Variants in GALNTL6 observed in about 807,000 individuals in gnomAD.
The protein encoded by GALNTL6 is polypeptide N-acetylgalactosaminyltransferase like 6.
GALNTL6 carries 46 observed loss-of-function variants against 73.7 expected under a neutral mutation model. The observed-to-expected ratio is 0.62, with a 90% CI of 0.49 to 0.80. The LOEUF is 0.80. GALNTL6 is among the 30% of genes least tolerant of loss of function. The probability of loss-of-function intolerance (pLI) is 0.00; values close to 1 mark genes in which losing one functional copy is unlikely to be tolerated. For missense variants in GALNTL6, 604 were observed against 755.0 expected, an observed-to-expected ratio of 0.80 and a Z score of 2.34; for synonymous variants, 259 against 263.7, an observed-to-expected ratio of 0.98 and a Z score of 0.17.
intron 5 of GALNTL6, among the ~76,000 whole-genome samples, chr4:172,554,698 A>G (rs1335152322): frequency 6.6e-6 from 1 of 152,148 alleles, no homozygotes; most frequent in African/African-American, 2.4e-5. Flanking sequence ...TCTTTTCCTC[A>G]ACATTGTGGT....
At chr4:172,632,904 G>A (rs1259362386) in intron 5 of GALNTL6, among the ~76,000 whole-genome samples, 3 of 152,228 alleles carry the variant, frequency 2.0e-5, no homozygotes, top group African/African-American at 7.2e-5. Flanking sequence ...TACAGCTCAG[G>A]CCATTGCTTC....
chr4:171,957,276 A>G (rs1256247419), intron 2 of GALNTL6, among the ~76,000 whole-genome samples: 2 of 152,222 alleles, frequency 1.3e-5, no homozygotes, highest in Non-Finnish European at 2.9e-5. Context: ...ATAGCAAAAT[A>G]TGCTGCTGCT....
intron 9 of GALNTL6, among the ~76,000 whole-genome samples, chr4:172,949,011 C>T (rs1317844526): frequency 6.6e-6 from 1 of 152,158 alleles, no homozygotes; most frequent in African/African-American, 2.4e-5. Context: ...TAGTTAGTTC[C>T]TCTATGAGTT....
chr4:172,705,172 C>T (rs112744457), intron 5 of GALNTL6, among the ~76,000 whole-genome samples: 110 of 151,432 alleles, frequency 7.3e-4, no homozygotes, highest in African/African-American at 2.6e-3. Context: ...ACTCCATTTA[C>T]ACTCACTCTT....
intron 2 of GALNTL6, among the ~76,000 whole-genome samples, chr4:171,944,239 T>G (rs764040572): frequency 5.3e-5 from 8 of 152,080 alleles, no homozygotes; most frequent in Non-Finnish European, 1.0e-4. Flanking sequence ...TAATACCTTA[T>G]TAATTGTAGC....
intron 5 of GALNTL6, among the ~76,000 whole-genome samples, chr4:172,587,403 G>A (rs1374202836): frequency 6.6e-6 from 1 of 152,100 alleles, no homozygotes; most frequent in Non-Finnish European, 1.5e-5. Context: ...TTGCAGTGTT[G>A]CTGGAGGGAT....
At chr4:171,873,564 T>G (rs1736193563) in intron 2 of GALNTL6, among the ~76,000 whole-genome samples, 1 of 152,192 alleles carries the variant, frequency 6.6e-6, no homozygotes, top group African/African-American at 2.4e-5. Flanking sequence ...CCTTTTCTTG[T>G]GTTGCCTCCT....
intron 11 of GALNTL6, among the ~76,000 whole-genome samples, chr4:173,013,734 T>C (rs1752658420): frequency 6.6e-6 from 1 of 152,148 alleles, no homozygotes; most frequent in Non-Finnish European, 1.5e-5. Flanking sequence ...ATCCTAAAAA[T>C]GAAGCTACAG....
chr4:172,669,489 TGAA>T (rs1367157025), intron 5 of GALNTL6, among the ~76,000 whole-genome samples: 5 of 152,126 alleles, frequency 3.3e-5, no homozygotes, highest in Admixed American at 3.3e-4. Flanking sequence ...ATATAATAGT[TGAA>T]GAAAAAATTT....
chr4:172,156,540 A>AGTATATATATATAT (rs58197299), intron 2 of GALNTL6, among the ~76,000 whole-genome samples: 57 of 125,092 alleles, frequency 4.6e-4, no homozygotes, highest in African/African-American at 1.9e-3. Flanking sequence ...ATATATATAT[A>AGTATATATATATAT]ATATATATAT....
intron 12 of GALNTL6, among the ~76,000 whole-genome samples, chr4:173,026,334 G>T (rs1158966021): frequency 6.6e-6 from 1 of 152,134 alleles, no homozygotes; most frequent in Admixed American, 6.5e-5. Context: ...ACACATCAGG[G>T]AGTCAATTTT....
At chr4:172,881,631 G>T (rs1042704778) in intron 7 of GALNTL6, among the ~76,000 whole-genome samples, 7 of 152,130 alleles carry the variant, frequency 4.6e-5, no homozygotes, top group African/African-American at 1.4e-4. Flanking sequence ...TGTCTACTAT[G>T]GTTATGCATA....
At chr4:172,686,256 C>T (rs1732909340) in intron 5 of GALNTL6, among the ~76,000 whole-genome samples, 1 of 152,100 alleles carries the variant, frequency 6.6e-6, no homozygotes, top group Non-Finnish European at 1.5e-5. Context: ...CATCCTCTAT[C>T]ATCTCTCCTT....
chr4:172,394,447 T>C (rs1743776140), intron 5 of GALNTL6, among the ~76,000 whole-genome samples: 1 of 149,880 alleles, frequency 6.7e-6, no homozygotes, highest in African/African-American at 2.5e-5. Flanking sequence ...TTTTTTTTTT[T>C]TGAGATGGAG....
At chr4:172,923,987 C>T (rs141493869) in intron 8 of GALNTL6, among the ~76,000 whole-genome samples, 17 of 152,144 alleles carry the variant, frequency 1.1e-4, no homozygotes, top group African/African-American at 4.1e-4. Flanking sequence ...CAGAGCAGAA[C>T]CATTTCAGGG....
chr4:172,179,412 A>G (rs971930242), intron 2 of GALNTL6, among the ~76,000 whole-genome samples: 3 of 136,542 alleles, frequency 2.2e-5, no homozygotes, highest in African/African-American at 3.1e-5. Flanking sequence ...GCCAGTGATG[A>G]TGAGCATTTT....
rs961883279 is a variant in GALNTL6, at chr4:172,389,523, A to C, written c.553+40834A>C. 3.3e-5 allele frequency among the ~76,000 whole-genome samples: 5 copies of C among 152,154 alleles called. No homozygotes were observed. In the South Asian group the frequency reaches 1.0e-3, roughly 31 times the overall value. ...AATAAAAGTTAAGTTGAAAATTGTAATAAGTTCTGTTTATGTAGTAATTGA... is the reference window on the plus strand; with the variant it reads ...AATAAAAGTTAAGTTGAAAATTGTACTAAGTTCTGTTTATGTAGTAATTGA... On this transcript the variant is annotated intron_variant, in intron 5 of 12. Transcript: ENST00000506823.
At chr4:172,715,303 A>G (rs969125401) in intron 5 of GALNTL6, among the ~76,000 whole-genome samples, 31 of 152,188 alleles carry the variant, frequency 2.0e-4, no homozygotes, top group African/African-American at 7.2e-4. Flanking sequence ...CACACACACA[A>G]GTATGTGTGG....
intron 2 of GALNTL6, among the ~76,000 whole-genome samples, chr4:171,818,264 C>A (rs990867779): frequency 6.6e-6 from 1 of 151,570 alleles, no homozygotes; most frequent in Admixed American, 6.6e-5. Context: ...TATATCCAGT[C>A]TTATTGTATT....
Sources: gnomAD v4.1 joint callset for allele counts (sites outside exome capture counted in the v4.1 genomes callset) on GRCh38, gnomAD v4.1.1 for gene constraint, MANE v1.5 for transcripts, NCBI Gene and HGNC (gene_info 2026-07-23, HGNC 2026-07-21) for gene names.